Variants in CANX observed in about 807,000 individuals in gnomAD.
CANX encodes calnexin, also known as epididymis secretory sperm binding protein.
CANX carries 14 observed loss-of-function variants against 75.7 expected under a neutral mutation model. That is an observed-to-expected ratio of 0.19 (90% CI 0.12 to 0.29). The LOEUF (loss-of-function observed/expected upper bound fraction) is 0.29. CANX is among the 10% of genes least tolerant of loss of function. The pLI is 1.00. For missense variants in CANX, 567 were observed against 713.2 expected, an observed-to-expected ratio of 0.79 and a Z score of 2.34; for synonymous variants, 227 against 236.9, an observed-to-expected ratio of 0.96 and a Z score of 0.38.
chr5:179,687,218 C>G (rs535356022), intron 1 of CANX, among the ~76,000 whole-genome samples: 3 of 152,130 alleles, frequency 2.0e-5, no homozygotes, highest in African/African-American at 7.2e-5. Context: ...TTCTCCTGCC[C>G]CAGCCTCCCA....
chr5:179,720,059 G>A (rs1176867189), intron 9 of CANX, among the ~76,000 whole-genome samples: 1 of 152,056 alleles, frequency 6.6e-6, no homozygotes, highest in Non-Finnish European at 1.5e-5. Context: ...TCAAAGTCCT[G>A]ACCTCAAGTG....
chr5:179,684,426 A>C (rs913802489), intron 1 of CANX, among the ~76,000 whole-genome samples: 7 of 114,414 alleles, frequency 6.1e-5, no homozygotes, highest in Admixed American at 2.1e-4. Context: ...TGCAAGCTCC[A>C]CCTCCCGGGT....
Position 179,707,305 on chromosome 5 carries a change from C to A in CANX, c.304+115C>A, listed in dbSNP as rs1777198637. The A allele has an allele frequency of 5.7e-6, 4 of 706,230 alleles. No homozygotes were observed. In the Admixed American group the frequency reaches 6.2e-5, roughly 11 times the overall value. 43.7% of individuals were successfully genotyped at this position (706,230 alleles called of 1,614,324 possible). A position where few individuals can be genotyped will look rare whatever the true frequency, so the allele number is the denominator to read the frequency against. On this transcript the variant is annotated intron_variant, in intron 4 of 14. Coordinates refer to ENST00000247461, the MANE Select transcript of CANX (RefSeq NM_001746.4). ...ATAGTAGGCTTTAAGATTTTTCCAG[C>A]CAGGTGCGGTGGCTCACGCCTGTAA... is the stretch of plus-strand genomic sequence containing the variant.
Position 179,678,773 on chromosome 5 carries a change from T to G in CANX, c.-8T>G, listed in dbSNP as rs1212074801. ...GTCTATGAGCAGTTCCTGCTGCAGC[T>G]TCAGGTAGTTGTTCTCCTCCAGCAA... On this transcript the variant is annotated 5_prime_UTR_variant, in exon 1 of 15. Coordinates refer to the CANX transcript ENST00000681674. 5 of 1,536,942 alleles carry G rather than the reference T, an allele frequency of 3.3e-6. No individual in the cohort carries two copies. In the African/African-American group the frequency reaches 6.8e-5, roughly 21 times the overall value.
At chr5:179,699,162 G>C in intron 1 of CANX, 60 bp downstream of exon 1, 1 of 953,782 alleles carries the variant, frequency 1.0e-6, no homozygotes, top group East Asian at 1.2e-4. Context: ...GGCTGGGAGC[G>C]CCTCTGCGGC....
chr5:179,726,500 C>T (rs539304822), intron 13 of CANX, among the ~76,000 whole-genome samples, 180 bp from the exon 14 acceptor site: 6 of 150,808 alleles, frequency 4.0e-5, no homozygotes, highest in Non-Finnish European at 7.4e-5. Flanking sequence ...GGCGTGAACC[C>T]GGGAGGCGGA....
At chr5:179,690,810 A>T (rs1776287605) in intron 1 of CANX, among the ~76,000 whole-genome samples, 1 of 151,694 alleles carries the variant, frequency 6.6e-6, no homozygotes, top group Non-Finnish European at 1.5e-5. Flanking sequence ...AGTCACTTGA[A>T]TCCAGGAGGC....
At chr5:179,728,352 T>G (rs1778794771) in intron 14 of CANX, among the ~76,000 whole-genome samples, 1 of 152,178 alleles carries the variant, frequency 6.6e-6, no homozygotes, top group Non-Finnish European at 1.5e-5. Flanking sequence ...AAAATGTTTA[T>G]GGGTTAGATT....
At chr5:179,678,689 A>G (rs1411168206) in exon 1 of CANX, 7 of 1,536,072 alleles carry the variant, frequency 4.6e-6, no homozygotes, top group Middle Eastern at 1.7e-4. Context: ...CGTCGGGATC[A>G]CCTCGGGGTT....
At position 179,709,881 on chromosome 5, in the gene CANX, C is replaced by T; in HGVS notation, c.537C>T (p.Phe179=). Residue 179 remains phenylalanine, a synonymous_variant, in exon 7 of 15, where the codon TTC becomes TTT. Transcript: ENST00000247461. ...CTTTTTTGTTTTTGAAGGATCAGTT[C>T]CATGACAAGACCCCTTATACGATTA... ...SKTPELNLDQ[F]HDKTPYTIMF... 6.3e-7 allele frequency: 1 copy of T among 1,586,854 alleles called. No homozygotes were observed. Among genetic ancestry groups the T allele is most frequent in the Non-Finnish European group, 8.5e-7 (1 of 1,169,936 alleles).
rs370627371 is a variant in CANX at position 179,723,609 on chromosome 5, T to C, written c.1399-51T>C. ...AACTGCAGAAAAACAGCACGGCCTA[T>C]GTTTGGTGTCAAAAGCTGGAACTTT... On this transcript the variant is annotated intron_variant, in intron 11 of 14. Transcript: ENST00000247461. 1.1e-5 allele frequency: 18 copies of C among 1,601,948 alleles called. No individual in the cohort carries two copies. In the East Asian group the frequency reaches 3.8e-4, roughly 34 times the overall value.
chr5:179,725,874 C>T (rs779488620), intron 13 of CANX, among the ~76,000 whole-genome samples: 2 of 149,744 alleles, frequency 1.3e-5, no homozygotes, highest in East Asian at 2.0e-4. Flanking sequence ...TGTAGTCCCA[C>T]CTATTCGGGA....
In CANX at chr5:179,709,874, A is replaced by C. The variant is rs1777412567; in HGVS notation, c.530A>C (p.Asp177Ala). The change falls in exon 7 of 15, where the codon GAT (aspartate) becomes GCT (alanine). Residue 177 changes from aspartate to alanine, a missense_variant and splice_region_variant. Asp to Ala is a moderately radical substitution (Grantham distance 126). This residue lies in a region of CANX where 351 missense variants were observed against 433.8 expected (regional missense o/e 0.81). Coordinates refer to ENST00000247461, the MANE Select transcript of CANX (RefSeq NM_001746.4). The part of the protein sequence containing the change: ...LLSKTPELNL[D>A]QFHDKTPYTI... ...AATAATCCTTTTTTGTTTTTGAAGG[A>C]TCAGTTCCATGACAAGACCCCTTAT... The C allele has an allele frequency of 6.4e-7, 1 of 1,573,918 alleles. No individual in the cohort carries two copies. The highest frequency in any genetic ancestry group is 1.4e-5 in the African/African-American group (1 of 72,542).
chr5:179,690,886 C>CA (rs1385189799), intron 1 of CANX, among the ~76,000 whole-genome samples: 163 of 141,248 alleles, frequency 1.2e-3, no homozygotes, highest in African/African-American at 3.2e-3. Flanking sequence ...GAGACTCTCT[C>CA]AAAAAAAAAA....
intron 7 of CANX, 141 bp from the exon 8 acceptor site, chr5:179,715,964 C>T (rs1488217659): frequency 1.4e-6 from 1 of 717,560 alleles, no homozygotes; most frequent in Admixed American, 2.0e-5. Context: ...CCCCAAGACC[C>T]CAGGAGCCAG....
chr5:179,686,102 C>T lies in CANX; in HGVS notation c.-4+7325C>T, dbSNP rs1581816647. Among the ~76,000 whole-genome samples, 53 of 128,592 alleles carry T rather than the reference C, an allele frequency of 4.1e-4. 1 individual carries two copies. The highest frequency in any genetic ancestry group is 1.2e-3 in the East Asian group (5 of 4,240). 84.4% of individuals were successfully genotyped at this position (128,592 alleles called of 152,430 possible). The stretch of plus-strand genomic sequence containing the variant: ...ATTTTGATGAAGTGGTTGTTCAAGT[C>T]TTTTTTTTTTTTTTGAGACGGAGTC... On this transcript the variant is annotated intron_variant, in intron 1 of 14. Transcript: ENST00000681674.
rs1045472291 is a variant in CANX at position 179,709,980 on chromosome 5, T to C, written c.636T>C (p.Gly212=). ...FIFRHKNPKT[G]IYEEKHAKRP... is the part of the protein sequence containing the mutation. ...TCCGACACAAAAACCCCAAAACGGG[T>C]ATCTATGAAGAAAAACATGCTAAGA... Residue 212 remains glycine, a synonymous_variant, in exon 7 of 15, where the codon GGT becomes GGC. Coordinates refer to ENST00000247461, the MANE Select transcript of CANX (RefSeq NM_001746.4). 1 of 1,613,122 alleles carries C rather than the reference T, an allele frequency of 6.2e-7. No homozygotes were observed. The highest frequency in any genetic ancestry group is 1.7e-5 in the Admixed American group (1 of 59,976).
chr5:179,708,233 T>A lies in CANX; in HGVS notation c.305-6T>A, dbSNP rs1228278908. Reference sequence around the variant, plus strand: ...AGCAGTGGAACTTTTTTGTGTTGTCTTGTAGGAAAGTGGGAGGTAGAGGAA... The same window carrying A: ...AGCAGTGGAACTTTTTTGTGTTGTCATGTAGGAAAGTGGGAGGTAGAGGAA... On this transcript the variant is annotated splice_region_variant and splice_polypyrimidine_tract_variant and intron_variant, in intron 4 of 14. Transcript: ENST00000247461. 8.1e-6 allele frequency: 13 copies of A among 1,613,242 alleles called. No individual in the cohort carries two copies. The highest frequency in any genetic ancestry group is 1.3e-5 in the African/African-American group (1 of 74,888).
chr5:179,712,487 T>C (rs1270413907), intron 7 of CANX, among the ~76,000 whole-genome samples: 2 of 152,114 alleles, frequency 1.3e-5, no homozygotes, highest in East Asian at 3.8e-4. Context: ...TGTGTGATCT[T>C]GGCTCACCAC....
Sources: allele counts gnomAD v4.1 joint callset (sites outside exome capture counted in the v4.1 genomes callset), GRCh38; gene constraint gnomAD v4.1.1; regional missense constraint gnomAD v4.1.1; transcripts MANE v1.5; gene names NCBI Gene and HGNC (gene_info 2026-07-23, HGNC 2026-07-21).